The following DOCK8 variants were observed in gnomAD, a reference collection of about 807,000 sequenced individuals.
DOCK8 encodes dedicator of cytokinesis protein 8.
Under a neutral mutation model 245.6 loss-of-function variants are expected in DOCK8, and 141 were observed. That is an observed-to-expected ratio of 0.57 (90% CI 0.50 to 0.66). DOCK8 has a LOEUF of 0.66. DOCK8 is among the 30% of genes least tolerant of loss of function. The probability of loss-of-function intolerance (pLI) is 0.00; values close to 1 mark genes in which losing one functional copy is unlikely to be tolerated. For missense variants in DOCK8, 2,965 were observed against 2,603.4 expected (o/e 1.14, Z -3.02); for synonymous variants, 1,168 against 970.2 (o/e 1.20, Z -3.79).
intron 23 of DOCK8, 83 bp from the exon 24 acceptor site, chr9:390,385 TGGG>T (rs1292540810): frequency 1.6e-6 from 2 of 1,231,708 alleles, no homozygotes; most frequent in Non-Finnish European, 2.4e-6. Flanking sequence ...GCTATTAAAT[TGGG>T]GGGAATAAAA....
upstream of DOCK8, chr9:214,299 C>G (rs74536546): frequency 2.3e-3 from 1,289 of 549,350 alleles, 14 homozygotes; most frequent in African/African-American, 0.023. Context: ...GAAAAGCATT[C>G]ACGCCAGGTT....
chr9:303,362 A>G (rs1385511697), intron 4 of DOCK8, among the ~76,000 whole-genome samples: 5 of 152,338 alleles, frequency 3.3e-5, no homozygotes, highest in Admixed American at 1.3e-4. Context: ...ACAATTCACA[A>G]TAGCAAAGAC....
chr9:297,908 T>C (rs952294999), intron 4 of DOCK8, among the ~76,000 whole-genome samples: 3 of 152,214 alleles, frequency 2.0e-5, no homozygotes, highest in African/African-American at 7.2e-5. Flanking sequence ...CCCTGAAGGC[T>C]TAGAGTGTAC....
chr9:446,636 G>A, intron 44 of DOCK8, 30 bp downstream of exon 44: 1 of 1,605,420 alleles, frequency 6.2e-7, no homozygotes, highest in Non-Finnish European at 8.5e-7. Context: ...GGCCACCACT[G>A]GATGAGTGGG....
At chr9:289,170 G>A (rs1167194452) in intron 3 of DOCK8, among the ~76,000 whole-genome samples, 2 of 152,196 alleles carry the variant, frequency 1.3e-5, no homozygotes, top group Non-Finnish European at 2.9e-5. Context: ...CCCTGTCAGA[G>A]ATAGGTATTT....
At chr9:318,485 A>T (rs1172015028) in intron 7 of DOCK8, among the ~76,000 whole-genome samples, 2 of 152,202 alleles carry the variant, frequency 1.3e-5, no homozygotes, top group East Asian at 3.8e-4. Context: ...AACTTCTATG[A>T]TTCTAACGCA....
Position 428,244 on chromosome 9 carries a change from A to G in DOCK8, c.4339-118A>G, listed in dbSNP as rs1177619735. On this transcript the variant is annotated intron_variant, in intron 34 of 47. Transcript: ENST00000432829. ...GGATGATACCCATGGTGGCTCACCA[A>G]ACTCTTAAGACTCACCACTGGACAT... 3.9e-6 allele frequency: 6 copies of G among 1,538,298 alleles called. No individual in the cohort carries two copies. The African/African-American group carries it at 5.5e-5, about 14-fold the overall frequency.
At position 432,231 on chromosome 9, in the gene DOCK8, C is replaced by T. The variant is rs531328076; in HGVS notation, c.4692C>T (p.Asp1564=). The T allele has an allele frequency of 6.2e-7, 1 of 1,613,312 alleles. No homozygotes were observed. The highest frequency in any genetic ancestry group is 1.1e-5 in the South Asian group (1 of 91,058). Residue 1564 remains aspartate (D), a synonymous_variant, in exon 37 of 48, where the codon GAC becomes GAT. Coordinates refer to ENST00000432829, the MANE Select transcript of DOCK8 (RefSeq NM_203447.4). ...CATCTTTGGTGGGAAGAGCACCAGA[C>T]TTTAATGAAGAGCACCTGAGAAGAT... ...SLASLVGRAP[D]FNEEHLRRSL... is the part of the protein sequence containing the mutation.
At chr9:248,454 C>T (rs1045451152) in intron 1 of DOCK8, among the ~76,000 whole-genome samples, 1 of 151,240 alleles carries the variant, frequency 6.6e-6, no homozygotes, top group African/African-American at 2.4e-5. Context: ...CCCCTCCTTC[C>T]TTCCTTCCTT....
At chr9:443,335 G>A in intron 42 of DOCK8, 92 bp from the exon 43 acceptor site, 1 of 1,181,446 alleles carries the variant, frequency 8.5e-7, no homozygotes, top group East Asian at 2.3e-5. Context: ...ATTCTACCTT[G>A]CACTTGCTCC....
At chr9:312,216 G>C (rs762934366) in intron 6 of DOCK8, 50 bp downstream of exon 6, 2 of 1,580,210 alleles carry the variant, frequency 1.3e-6, no homozygotes, top group Non-Finnish European at 1.7e-6. Context: ...GACTCTGAGA[G>C]TCATGTGGAC....
chr9:323,384 C>T (rs1033891037), intron 7 of DOCK8, among the ~76,000 whole-genome samples: 1 of 151,656 alleles, frequency 6.6e-6, no homozygotes, highest in Non-Finnish European at 1.5e-5. Flanking sequence ...CCACCACGCT[C>T]GGCCAGTTTT....
chr9:237,109 CAAAGAA>C (rs2047269877), intron 1 of DOCK8, among the ~76,000 whole-genome samples: 1 of 152,164 alleles, frequency 6.6e-6, no homozygotes, highest in Admixed American at 6.5e-5. Context: ...AGCCCAGTCA[CAAAGAA>C]AAAGCCATTA....
Position 313,316 on chromosome 9 carries a change from A to C in DOCK8, c.741+1150A>C, listed in dbSNP as rs114555304. On this transcript the variant is annotated intron_variant, in intron 6 of 47. Coordinates refer to ENST00000432829, the MANE Select transcript of DOCK8 (RefSeq NM_203447.4). ...TAGAGATTGTGCTCATTTTGTAACT[A>C]ACTCTCTTAAGTTCTTTACTTAGAG... 5.2e-3 allele frequency among the ~76,000 whole-genome samples: 792 copies of C among 152,286 alleles called. 8 individuals carry two copies. The highest frequency in any genetic ancestry group is 0.018 in the African/African-American group (759 of 41,564).
intron 26 of DOCK8, among the ~76,000 whole-genome samples, chr9:401,046 C>T (rs1311772375): frequency 7.1e-6 from 1 of 140,900 alleles, no homozygotes; most frequent in Non-Finnish European, 1.6e-5. Flanking sequence ...ACCATCACTT[C>T]TTCCACCATC....
chr9:242,163 C>T (rs1042778350), intron 1 of DOCK8, among the ~76,000 whole-genome samples: 18 of 152,238 alleles, frequency 1.2e-4, no homozygotes, highest in Admixed American at 7.9e-4. Flanking sequence ...TTATATGGTT[C>T]GTAAAGTTCA....
At chr9:249,061 C>G (rs600492) in intron 1 of DOCK8, among the ~76,000 whole-genome samples, 80,808 of 151,952 alleles carry the variant, frequency 0.53, 21,917 homozygotes, top group East Asian at 0.79. Flanking sequence ...TCTCCTTCCG[C>G]TCTTGGTACC....
At chr9:215,444 G>A (rs1481799784) in intron 1 of DOCK8, 1 of 1,496,586 alleles carries the variant, frequency 6.7e-7, no homozygotes, top group Non-Finnish European at 8.9e-7. Flanking sequence ...GGGAAGAAGT[G>A]AAGTGGCTGA....
intron 18 of DOCK8, among the ~76,000 whole-genome samples, chr9:373,291 T>A (rs781100787): frequency 6.6e-6 from 1 of 152,242 alleles, no homozygotes; most frequent in Non-Finnish European, 1.5e-5. Context: ...AAGTATTATT[T>A]TGAAGTAAAT....
Sources: gnomAD v4.1 joint callset for allele counts (sites outside exome capture counted in the v4.1 genomes callset) on GRCh38, gnomAD v4.1.1 for gene constraint, MANE v1.5 for transcripts, NCBI Gene and HGNC (gene_info 2026-07-23, HGNC 2026-07-21) for gene names.